The following CDH23 variants were observed in gnomAD, a reference collection of about 807,000 sequenced individuals.
CDH23 encodes cadherin related 23, also known as cadherin-23.
In CDH23, 189 loss-of-function variants were observed where a neutral mutation model predicts 317.1. That is an observed-to-expected ratio of 0.60 (90% CI 0.53 to 0.67). The LOEUF is 0.67. CDH23 is among the 30% of genes least tolerant of loss of function. The probability of loss-of-function intolerance (pLI) is 0.00; values close to 1 mark genes in which losing one functional copy is unlikely to be tolerated. For missense variants in CDH23, 4,401 were observed against 4,592.4 expected (o/e 0.96, Z 1.20); for synonymous variants, 1,839 against 1,876.8 (o/e 0.98, Z 0.52).
intron 6 of CDH23, among the ~76,000 whole-genome samples, chr10:71,533,189 G>A (rs143461151): frequency 6.6e-6 from 1 of 151,896 alleles, no homozygotes; most frequent in Non-Finnish European, 1.5e-5. Context: ...GAAGCGGCAT[G>A]GTGAGCTCCG....
intron 11 of CDH23, among the ~76,000 whole-genome samples, chr10:71,630,808 C>T (rs1417799243): frequency 6.6e-6 from 1 of 152,178 alleles, no homozygotes; most frequent in Non-Finnish European, 1.5e-5. Flanking sequence ...CGATCTCAAG[C>T]TACTGGCGTG....
At chr10:71,515,416 A>C (rs1390076840) in intron 6 of CDH23, among the ~76,000 whole-genome samples, 1 of 149,490 alleles carries the variant, frequency 6.7e-6, no homozygotes, top group Non-Finnish European at 1.5e-5. Context: ...ACACACACAC[A>C]CACGCACACA....
intron 6 of CDH23, among the ~76,000 whole-genome samples, chr10:71,532,892 G>C (rs957003751): frequency 6.6e-6 from 1 of 151,972 alleles, no homozygotes; most frequent in African/African-American, 2.4e-5. Context: ...ACCATGCCTG[G>C]CTAATTTTTT....
chr10:71,778,419 C>T, intron 40 of CDH23, 111 bp downstream of exon 40: 2 of 1,395,492 alleles, frequency 1.4e-6, no homozygotes, highest in Admixed American at 2.0e-5. Context: ...AGGGAAATGC[C>T]TAAATCCAAG....
At chr10:71,566,597 T>G in intron 6 of CDH23, 145 bp from the exon 7 acceptor site, 2 of 616,398 alleles carry the variant, frequency 3.2e-6, no homozygotes, top group South Asian at 4.8e-5. Context: ...TTTTAAATTT[T>G]GGGGCCCCTC....
At chr10:71,549,792 C>T (rs1440041216) in intron 6 of CDH23, among the ~76,000 whole-genome samples, 4 of 152,156 alleles carry the variant, frequency 2.6e-5, no homozygotes, top group East Asian at 1.9e-4. Context: ...GAAGCGAAAA[C>T]GGTCTTGACT....
intron 1 of CDH23, among the ~76,000 whole-genome samples, chr10:71,417,029 T>C (rs1267687991): frequency 6.6e-6 from 1 of 151,330 alleles, no homozygotes; most frequent in Non-Finnish European, 1.5e-5. Flanking sequence ...TTGGTTTTCT[T>C]TTTTTTTCTT....
In CDH23 at chr10:71,734,268, A is replaced by G. The variant is rs1269088828; in HGVS notation, c.4133A>G (p.Asp1378Gly). The G allele has an allele frequency of 6.2e-7, 1 of 1,612,000 alleles. No homozygotes were observed. The highest frequency in any genetic ancestry group is 8.5e-7 in the Non-Finnish European group (1 of 1,179,158). ...TGVITVQGLV[D>G]REKGDFYTLT... ...GTGATCACAGTCCAGGGCCTGGTGGACCGTGAGAAGGGCGACTTCTATACC... is the reference window on the plus strand; with the variant it reads ...GTGATCACAGTCCAGGGCCTGGTGGGCCGTGAGAAGGGCGACTTCTATACC... Residue 1378 changes from aspartate (D) to glycine (G), a missense_variant, in exon 33 of 70, where the codon GAC (aspartate) becomes GGC (glycine). Asp to Gly is a moderately conservative substitution (Grantham distance 94). Transcript: ENST00000224721.
intron 3 of CDH23, among the ~76,000 whole-genome samples, chr10:71,451,660 C>T (rs1850451336): frequency 1.3e-5 from 2 of 152,182 alleles, no homozygotes; most frequent in Non-Finnish European, 2.9e-5. Flanking sequence ...GCTCCCTTTG[C>T]TTTTTCCGGG....
At chr10:71,712,863 G>T in intron 28 of CDH23, 50 bp downstream of exon 28, 1 of 1,585,696 alleles carries the variant, frequency 6.3e-7, no homozygotes. Context: ...GGGAGGCGGA[G>T]CCACACACGG....
At chr10:71,654,272 C>T (rs558241672) in intron 14 of CDH23, among the ~76,000 whole-genome samples, 55 of 152,188 alleles carry the variant, frequency 3.6e-4, no homozygotes, top group Non-Finnish European at 6.9e-4. Flanking sequence ...AGAGGCCCTG[C>T]GTGCTCATGT....
intron 1 of CDH23, among the ~76,000 whole-genome samples, chr10:71,435,458 G>A (rs1255322125): frequency 6.6e-6 from 1 of 152,214 alleles, no homozygotes; most frequent in Non-Finnish European, 1.5e-5. Context: ...AGTTTGGCAT[G>A]AAGGAGAATG....
intron 3 of CDH23, among the ~76,000 whole-genome samples, chr10:71,461,790 G>A (rs1851001751): frequency 6.6e-6 from 1 of 152,240 alleles, no homozygotes; most frequent in Non-Finnish European, 1.5e-5. Context: ...TGCAAAGTCA[G>A]AGCGTTCATT....
intron 9 of CDH23, among the ~76,000 whole-genome samples, chr10:71,597,850 C>T (rs1174488596): frequency 6.6e-6 from 1 of 152,218 alleles, no homozygotes. Flanking sequence ...CTGTCGCCCT[C>T]AGAGCCTCTC....
In CDH23 at chr10:71,509,704, A is replaced by C. The variant is rs558955834; in HGVS notation, c.146-378A>C. 6.6e-5 allele frequency among the ~76,000 whole-genome samples: 10 copies of C among 152,338 alleles called. No homozygotes were observed. In the East Asian group the frequency reaches 1.7e-3, roughly 26 times the overall value. ...CACTCTGATTGGCTAGCGCTGACTT[A>C]TATGCTCATCTTGGAACATAAGACT... On this transcript the variant is annotated intron_variant, in intron 3 of 69. Coordinates refer to ENST00000224721, the MANE Select transcript of CDH23 (RefSeq NM_022124.6).
At chr10:71,754,632 C>T (rs993020490) in intron 38 of CDH23, among the ~76,000 whole-genome samples, 1 of 152,208 alleles carries the variant, frequency 6.6e-6, no homozygotes, top group Admixed American at 6.5e-5. Flanking sequence ...CCCAGCCCCA[C>T]CACTTATTTG....
intron 34 of CDH23, 42 bp from the exon 35 acceptor site, chr10:71,738,456 A>G (rs1308960560): frequency 6.2e-7 from 1 of 1,613,396 alleles, no homozygotes. Flanking sequence ...GGGGCCAAGG[A>G]GGGGAAGGAG....
In CDH23 at chr10:71,446,073, A is replaced by T. The variant is rs375729365; in HGVS notation, c.68-245A>T. Among the ~76,000 whole-genome samples the T allele has an allele frequency of 1.3e-4, 20 of 152,274 alleles. 1 individual carries two copies. The highest frequency in any genetic ancestry group is 3.4e-3 in the Middle Eastern group (1 of 294). On this transcript the variant is annotated intron_variant, in intron 2 of 69. Transcript: ENST00000224721. ...GTCATGTGCTTGCTCCATGTGGGCC[A>T]TGCTCAGCAGGCACGTGTGGCCGGT...
chr10:71,702,719 A>G (rs747034927), intron 24 of CDH23, 25 bp downstream of exon 24: 5 of 1,612,850 alleles, frequency 3.1e-6, no homozygotes, highest in Non-Finnish European at 4.2e-6. Flanking sequence ...TCTCATTCCT[A>G]CCAGCCCAGA....
Sources: allele counts gnomAD v4.1 joint callset (sites outside exome capture counted in the v4.1 genomes callset), GRCh38; gene constraint gnomAD v4.1.1; transcripts MANE v1.5; gene names NCBI Gene and HGNC (gene_info 2026-07-23, HGNC 2026-07-21).